The following C1QTNF3 variants were observed in gnomAD, a reference collection of about 807,000 sequenced individuals.
C1QTNF3 encodes complement C1q tumor necrosis factor-related protein 3.
Under a neutral mutation model 32.6 loss-of-function variants are expected in C1QTNF3, and 26 were observed. The observed-to-expected ratio is 0.80, with a 90% CI of 0.58 to 1.11. The LOEUF (loss-of-function observed/expected upper bound fraction) is 1.11, where lower values mean the gene tolerates loss of function less well. Among genes scored for constraint, C1QTNF3 ranks in the 50% least tolerant of loss-of-function variants. The pLI, the probability that C1QTNF3 is intolerant of heterozygous loss-of-function variation, is 0.00. For synonymous variants in C1QTNF3, 155 were observed against 146.0 expected (o/e 1.06, Z -0.44); for missense variants, 362 against 398.2 (o/e 0.91, Z 0.77).
chr5:34,042,848 G>C lies in C1QTNF3; in HGVS notation c.278C>G (p.Ala93Gly), dbSNP rs1754904843. 8 of 1,614,120 alleles carry C rather than the reference G, an allele frequency of 5.0e-6. No homozygotes were observed. The highest frequency in any genetic ancestry group is 5.9e-6 in the Non-Finnish European group (7 of 1,180,010). Reference protein sequence around the residue: ...ELPHPEVDDLAQITTFWGQSP... With the variant: ...ELPHPEVDDLGQITTFWGQSP... ...CTGGCCCCAGAATGTGGTGATCTGG[G>C]CTAGGTCATCTACCTCGGGGTGCGG... The change falls in exon 1 of 6, where the codon GCC becomes GGC. Residue 93 changes from alanine to glycine, a missense_variant. Coordinates refer to ENST00000382065, the MANE Select transcript of C1QTNF3 (RefSeq NM_181435.6).
chr5:34,201,673 T>C, the C1QTNF3 span, among the ~76,000 whole-genome samples: 1 of 152,194 alleles, frequency 6.6e-6, no homozygotes, highest in East Asian at 1.9e-4. Flanking sequence ...GCAGAGAAGG[T>C]TAACTGTCTC....
the C1QTNF3 span, among the ~76,000 whole-genome samples, chr5:34,187,179 CTCCTTGCCT>C: frequency 1.3e-5 from 2 of 152,310 alleles, no homozygotes; most frequent in South Asian, 4.1e-4. Flanking sequence ...GCTTTTGCAC[CTCCTTGCCT>C]TCCACCATGA....
the C1QTNF3 span, among the ~76,000 whole-genome samples, chr5:34,056,504 AGAGAGAGAGAG>A: frequency 7.2e-6 from 1 of 138,730 alleles, no homozygotes; most frequent in Admixed American, 7.4e-5. Flanking sequence ...AGAGAGAGAG[AGAGAGAGAGAG>A]AGAGAGAGAG....
chr5:34,134,428 G>C, the C1QTNF3 span, among the ~76,000 whole-genome samples: 1 of 151,990 alleles, frequency 6.6e-6, no homozygotes, highest in Non-Finnish European at 1.5e-5. Context: ...AGATTGTGCT[G>C]ATTTGCTCTA....
chr5:34,033,273 G>C (rs1375803092), intron 3 of C1QTNF3, 31 bp downstream of exon 3: 1 of 1,606,388 alleles, frequency 6.2e-7, no homozygotes, highest in Non-Finnish European at 8.5e-7. Context: ...AGGTTGGAAA[G>C]CCACCAGGAG....
At chr5:34,224,598 T>C in the C1QTNF3 span, among the ~76,000 whole-genome samples, 1 of 152,136 alleles carries the variant, frequency 6.6e-6, no homozygotes, top group African/African-American at 2.4e-5. Flanking sequence ...TGGCTAGCCA[T>C]ATGGAGAAAG....
At chr5:34,171,878 C>T in the C1QTNF3 span, among the ~76,000 whole-genome samples, 1 of 152,098 alleles carries the variant, frequency 6.6e-6, no homozygotes, top group African/African-American at 2.4e-5. Context: ...ATTATTTTTC[C>T]TTTCAAACTA....
chr5:34,043,437 A>G (rs1754925101), upstream of C1QTNF3: 1 of 356,558 alleles, frequency 2.8e-6, no homozygotes, highest in East Asian at 5.3e-5. Context: ...AACATACACA[A>G]CCAGCTGGGA....
the C1QTNF3 span, among the ~76,000 whole-genome samples, chr5:34,107,866 C>T: frequency 6.6e-6 from 1 of 152,144 alleles, no homozygotes; most frequent in African/African-American, 2.4e-5. Flanking sequence ...ACAAAATACT[C>T]AAGACTTGAG....
At chr5:34,026,404 A>G (rs1327207522) in intron 4 of C1QTNF3, among the ~76,000 whole-genome samples, 2 of 150,344 alleles carry the variant, frequency 1.3e-5, no homozygotes, top group Non-Finnish European at 3.0e-5. Flanking sequence ...TGCTAGATAC[A>G]GTGTAGGATG....
the C1QTNF3 span, among the ~76,000 whole-genome samples, chr5:34,139,694 G>C: frequency 6.6e-6 from 1 of 152,032 alleles, no homozygotes; most frequent in Non-Finnish European, 1.5e-5. Context: ...AAGTTAAAGA[G>C]TACAATAAAC....
the C1QTNF3 span, among the ~76,000 whole-genome samples, chr5:34,107,854 GCA>G: frequency 6.6e-6 from 1 of 152,022 alleles, no homozygotes; most frequent in Non-Finnish European, 1.5e-5. Context: ...TTTCCCACCA[GCA>G]CAAAATACTC....
At chr5:34,224,748 A>G in the C1QTNF3 span, among the ~76,000 whole-genome samples, 1 of 152,284 alleles carries the variant, frequency 6.6e-6, no homozygotes, top group East Asian at 1.9e-4. Flanking sequence ...ATGGGCAAGG[A>G]CTTCATGTCT....
chr5:34,049,303 C>T, the C1QTNF3 span, among the ~76,000 whole-genome samples: 1 of 152,196 alleles, frequency 6.6e-6, no homozygotes, highest in African/African-American at 2.4e-5. Context: ...AGGGTCCCTT[C>T]TTCCAGCTTC....
chr5:34,146,554 T>C, the C1QTNF3 span, among the ~76,000 whole-genome samples: 1 of 152,124 alleles, frequency 6.6e-6, no homozygotes, highest in Non-Finnish European at 1.5e-5. Flanking sequence ...TGGACAATAA[T>C]AAGCAATTGG....
At chr5:34,242,499 C>T in the C1QTNF3 span, among the ~76,000 whole-genome samples, 4 of 152,306 alleles carry the variant, frequency 2.6e-5, no homozygotes, top group South Asian at 8.3e-4. Context: ...CCACCATACA[C>T]ATAAATTAAT....
At chr5:34,215,152 T>C in the C1QTNF3 span, among the ~76,000 whole-genome samples, 1 of 152,206 alleles carries the variant, frequency 6.6e-6, no homozygotes, top group Non-Finnish European at 1.5e-5. Flanking sequence ...AAGAATATTT[T>C]GGTGCAGGTA....
chr5:34,035,778 A>G lies in C1QTNF3; in HGVS notation c.304-20T>C. The G allele has an allele frequency of 6.3e-7, 1 of 1,585,474 alleles. No homozygotes were observed. The highest frequency in any genetic ancestry group is 8.6e-7 in the Non-Finnish European group (1 of 1,158,274). On this transcript the variant is annotated intron_variant, in intron 1 of 5. Transcript: ENST00000382065. ...TGGAGACTAAAAAGACAGAAAGAGAAGCTTCAGAAAAAAAGGTACTTGTGA... is the reference window on the plus strand; with the variant it reads ...TGGAGACTAAAAAGACAGAAAGAGAGGCTTCAGAAAAAAAGGTACTTGTGA...
the C1QTNF3 span, among the ~76,000 whole-genome samples, chr5:34,172,525 G>C: frequency 1.3e-5 from 2 of 152,030 alleles, no homozygotes; most frequent in African/African-American, 4.8e-5. Context: ...TTCTTTCCCT[G>C]TGTAACTCCA....
Sources: allele counts gnomAD v4.1 joint callset (sites outside exome capture counted in the v4.1 genomes callset), GRCh38; gene constraint gnomAD v4.1.1; transcripts MANE v1.5; gene names NCBI Gene and HGNC (gene_info 2026-07-23, HGNC 2026-07-21).